The following EEA1 variants were observed in gnomAD, a reference collection of about 807,000 sequenced individuals.
The protein encoded by EEA1 is early endosome antigen 1.
A neutral mutation model predicts 209.2 loss-of-function variants in EEA1; 111 were observed. The ratio of observed to expected loss-of-function variants is 0.53; its 90% confidence interval spans 0.45 to 0.62. EEA1 has a LOEUF of 0.62. Among genes scored for constraint, EEA1 ranks in the 20% least tolerant of loss-of-function variants. The pLI, the probability that EEA1 is intolerant of heterozygous loss-of-function variation, is 0.00. For synonymous variants in EEA1, 536 were observed against 540.6 expected (o/e 0.99, Z 0.12); for missense variants, 1,343 against 1,530.8 (o/e 0.88, Z 2.05).
intron 21 of EEA1, among the ~76,000 whole-genome samples, chr12:92,797,626 A>C (rs981581737): frequency 3.9e-5 from 6 of 152,208 alleles, no homozygotes; most frequent in African/African-American, 1.4e-4. Flanking sequence ...TATAAAAACG[A>C]AGATTTTGTA....
At chr12:92,816,863 TACACATACTGCAAATG>T in intron 14 of EEA1, among the ~76,000 whole-genome samples, 318 of 151,496 alleles carry the variant, frequency 2.1e-3, no homozygotes, top group African/African-American at 7.5e-3. Flanking sequence ...AATTGTCAGA[TACACATACTGCAAATG>T]TTTTCTCCCA....
chr12:92,872,590 T>C (rs559126532), intron 2 of EEA1, among the ~76,000 whole-genome samples: 1 of 152,120 alleles, frequency 6.6e-6, no homozygotes, highest in South Asian at 2.1e-4. Flanking sequence ...TACCTAACAA[T>C]ATCTATATTT....
chr12:92,870,435 A>C (rs1382243430), intron 2 of EEA1, among the ~76,000 whole-genome samples: 1 of 152,112 alleles, frequency 6.6e-6, no homozygotes, highest in Non-Finnish European at 1.5e-5. Flanking sequence ...CGCTTCCCCT[A>C]ACTTGCTCCC....
chr12:92,834,229 G>C (rs1376631072), intron 10 of EEA1, among the ~76,000 whole-genome samples: 1 of 152,062 alleles, frequency 6.6e-6, no homozygotes, highest in Non-Finnish European at 1.5e-5. Context: ...GAAAAGCAGT[G>C]TCCAGAGAGA....
chr12:92,804,397 C>G (rs12296425), intron 18 of EEA1, among the ~76,000 whole-genome samples: 14,613 of 151,602 alleles, frequency 0.096, 828 homozygotes, highest in South Asian at 0.2. Context: ...ACAGTGAAAC[C>G]CCCATCTCTA....
At chr12:92,808,201 G>A (rs1332353790) in intron 18 of EEA1, among the ~76,000 whole-genome samples, 1 of 152,056 alleles carries the variant, frequency 6.6e-6, no homozygotes, top group African/African-American at 2.4e-5. Flanking sequence ...ATAGACTGTG[G>A]TTGTCTACAG....
chr12:92,896,607 A>G (rs887582356), intron 1 of EEA1, among the ~76,000 whole-genome samples: 3 of 152,100 alleles, frequency 2.0e-5, no homozygotes, highest in South Asian at 2.1e-4. Context: ...CCACAACTCC[A>G]GCCTGACCAA....
intron 3 of EEA1, among the ~76,000 whole-genome samples, chr12:92,862,747 G>A (rs1348732056): frequency 2.0e-5 from 3 of 152,200 alleles, no homozygotes; most frequent in Non-Finnish European, 4.4e-5. Context: ...AAGAATATAT[G>A]CTGTTAAGGA....
intron 14 of EEA1, among the ~76,000 whole-genome samples, chr12:92,817,826 C>T (rs1875865997): frequency 6.6e-6 from 1 of 152,138 alleles, no homozygotes; most frequent in South Asian, 2.1e-4. Flanking sequence ...CTTTTTTACA[C>T]TTCGTAAGGT....
intron 3 of EEA1, 125 bp from the exon 4 acceptor site, chr12:92,857,610 G>A (rs1010774639): frequency 2.0e-5 from 11 of 551,860 alleles, no homozygotes; most frequent in South Asian, 9.8e-5. Flanking sequence ...AAAAAACTAC[G>A]GAAGATTTTA....
intron 14 of EEA1, among the ~76,000 whole-genome samples, chr12:92,818,463 A>G (rs1198390444): frequency 6.6e-6 from 1 of 152,204 alleles, no homozygotes; most frequent in Non-Finnish European, 1.5e-5. Context: ...AACTATCCCA[A>G]TATGGCCAGA....
At chr12:92,905,249 A>G (rs1880327252) in intron 1 of EEA1, among the ~76,000 whole-genome samples, 1 of 152,208 alleles carries the variant, frequency 6.6e-6, no homozygotes, top group Non-Finnish European at 1.5e-5. Flanking sequence ...ACAATATTAC[A>G]TCAATATTTG....
intron 9 of EEA1, among the ~76,000 whole-genome samples, chr12:92,844,782 C>A (rs1420543073): frequency 6.6e-6 from 1 of 151,984 alleles, no homozygotes; most frequent in Non-Finnish European, 1.5e-5. Flanking sequence ...AAAATTTGCA[C>A]AGGTTCCTGG....
intron 2 of EEA1, among the ~76,000 whole-genome samples, chr12:92,871,348 A>T (rs1006204363): frequency 1.3e-4 from 20 of 152,210 alleles, no homozygotes; most frequent in African/African-American, 4.6e-4. Context: ...GAGGCAAGGA[A>T]AAACCAGCTA....
At chr12:92,883,859 G>C in intron 2 of EEA1, 1 of 1,602,570 alleles carries the variant, frequency 6.2e-7, no homozygotes, top group South Asian at 1.1e-5. Flanking sequence ...ACCGATGAGA[G>C]CCTGAGGAGC....
chr12:92,909,552 T>C (rs1244317870), intron 1 of EEA1, among the ~76,000 whole-genome samples: 1 of 152,240 alleles, frequency 6.6e-6, no homozygotes, highest in African/African-American at 2.4e-5. Context: ...AGATAGCTGT[T>C]ATCGCTTGAA....
At chr12:92,922,661 T>TA (rs1166164436) in intron 1 of EEA1, among the ~76,000 whole-genome samples, 1 of 152,008 alleles carries the variant, frequency 6.6e-6, no homozygotes, top group Non-Finnish European at 1.5e-5. Flanking sequence ...GACAACAAAA[T>TA]CTCTACCCTG....
intron 10 of EEA1, among the ~76,000 whole-genome samples, chr12:92,837,930 A>G (rs983695997): frequency 1.3e-5 from 2 of 152,212 alleles, no homozygotes; most frequent in African/African-American, 4.8e-5. Context: ...ATGGTTTACC[A>G]AAGACATGGG....
chr12:92,857,996 C>T, intron 3 of EEA1: 1 of 337,396 alleles, frequency 3.0e-6, no homozygotes, highest in Admixed American at 4.3e-5. Context: ...AGTAGAATGC[C>T]GTCTGCAACT....
Sources: gnomAD v4.1 joint callset for allele counts (sites outside exome capture counted in the v4.1 genomes callset) on GRCh38, gnomAD v4.1.1 for gene constraint, MANE v1.5 for transcripts, NCBI Gene and HGNC (gene_info 2026-07-23, HGNC 2026-07-21) for gene names.